Variants in ABCC4 observed in about 807,000 individuals in gnomAD.
The protein encoded by ABCC4 is ATP binding cassette subfamily C member 4 (PEL blood group).
In ABCC4, 102 loss-of-function variants were observed where a neutral mutation model predicts 168.5. The observed-to-expected ratio is 0.61, with a 90% CI of 0.52 to 0.71. The LOEUF is 0.71. Among genes scored for constraint, ABCC4 ranks in the 30% least tolerant of loss-of-function variants. The pLI, the probability that ABCC4 is intolerant of heterozygous loss-of-function variation, is 0.00. For synonymous variants in ABCC4, 617 were observed against 590.7 expected, an observed-to-expected ratio of 1.04 and a Z score of -0.65; for missense variants, 1,402 against 1,605.8, an observed-to-expected ratio of 0.87 and a Z score of 2.17.
intron 1 of ABCC4, among the ~76,000 whole-genome samples, chr13:95,250,638 C>G (rs1664874737): frequency 6.6e-6 from 1 of 151,968 alleles, no homozygotes; most frequent in African/African-American, 2.4e-5. Context: ...TCATTTCCAG[C>G]AAGCAGGAGT....
At chr13:95,167,282 T>C (rs1450181192) in intron 14 of ABCC4, among the ~76,000 whole-genome samples, 1 of 152,138 alleles carries the variant, frequency 6.6e-6, no homozygotes, top group Admixed American at 6.5e-5. Flanking sequence ...GACACAACCT[T>C]GCACAGTTTT....
intron 24 of ABCC4, among the ~76,000 whole-genome samples, chr13:95,072,235 T>G (rs947139022): frequency 1.3e-4 from 20 of 152,156 alleles, no homozygotes; most frequent in Non-Finnish European, 2.6e-4. Context: ...CCGGGGCAGG[T>G]GGATCACCTA....
rs1212855697 is a variant in ABCC4, at chr13:95,225,167, A to T, written c.531+9443T>A. Among the ~76,000 whole-genome samples the T allele has an allele frequency of 1.7e-3, 99 of 59,390 alleles. 1 individual carries two copies. Among genetic ancestry groups the T allele is most frequent in the East Asian group, 5.4e-3 (6 of 1,108 alleles). 39.0% of individuals were successfully genotyped at this position (59,390 alleles called of 152,430 possible). On this transcript the variant is annotated intron_variant, in intron 4 of 30. Coordinates refer to ENST00000645237, the MANE Select transcript of ABCC4 (RefSeq NM_005845.5). ...CTCTCTCTCTCTCACACACACACAC[A>T]CACACACACACACACACACACACAC...
At chr13:95,254,557 T>C (rs2040348315) in intron 1 of ABCC4, among the ~76,000 whole-genome samples, 1 of 152,192 alleles carries the variant, frequency 6.6e-6, no homozygotes, top group Non-Finnish European at 1.5e-5. Flanking sequence ...CTCTCAGTTA[T>C]CAGCCGTCAC....
chr13:95,197,737 CAG>C (rs1360000944), intron 8 of ABCC4, among the ~76,000 whole-genome samples: 1 of 152,132 alleles, frequency 6.6e-6, no homozygotes, highest in African/African-American at 2.4e-5. Context: ...AATAAAACCT[CAG>C]AGACACATTT....
rs116392285 is a variant in ABCC4, at chr13:95,084,367, T to C, written c.2536-1077A>G. On this transcript the variant is annotated intron_variant, in intron 20 of 30. Transcript: ENST00000645237. Reference sequence around the variant, plus strand: ...CCCCAGCATACGGCTAGCTTTTTATTGGTCAGGATAAAATCCCTGAATTTT... The same window carrying C: ...CCCCAGCATACGGCTAGCTTTTTATCGGTCAGGATAAAATCCCTGAATTTT... Among the ~76,000 whole-genome samples, 1,362 of 152,338 alleles carry C rather than the reference T, an allele frequency of 8.9e-3. 21 individuals carry two copies. Among genetic ancestry groups the C allele is most frequent in the African/African-American group, 0.031 (1,286 of 41,580 alleles).
chr13:95,258,963 G>T (rs555222959), intron 1 of ABCC4, among the ~76,000 whole-genome samples: 1 of 152,304 alleles, frequency 6.6e-6, no homozygotes, highest in South Asian at 2.1e-4. Flanking sequence ...GGCCCGGCCT[G>T]GGGGCTACAT....
rs1424450747 is a variant in ABCC4 at position 95,083,070 on chromosome 13, G to A, written c.2686+70C>T. 5.3e-6 allele frequency: 8 copies of A among 1,519,768 alleles called. No individual in the cohort carries two copies. The African/African-American group carries it at 6.9e-5, about 13-fold the overall frequency. The allele number at this position is 1,519,768 out of a possible 1,614,324, so 94.1% of individuals were successfully genotyped here. ...GACAGAGTCTGCCGAATTTCAGGGG[G>A]TCTCTGTAATTTATGGCATAAATGG... On this transcript the variant is annotated intron_variant, in intron 21 of 30. Coordinates refer to ENST00000645237, the MANE Select transcript of ABCC4 (RefSeq NM_005845.5).
chr13:95,238,611 A>T (rs942059070), intron 3 of ABCC4, among the ~76,000 whole-genome samples: 2 of 152,202 alleles, frequency 1.3e-5, no homozygotes, highest in Non-Finnish European at 2.9e-5. Context: ...GCTGGAGTGC[A>T]GTGGTGCAAT....
chr13:95,275,319 C>T (rs755606703), intron 1 of ABCC4, among the ~76,000 whole-genome samples: 8 of 152,120 alleles, frequency 5.3e-5, no homozygotes, highest in Non-Finnish European at 1.0e-4. Flanking sequence ...TTTATAATGC[C>T]ACCACCCTAC....
intron 22 of ABCC4, 86 bp downstream of exon 22, chr13:95,075,346 G>A: frequency 6.4e-7 from 1 of 1,570,980 alleles, no homozygotes; most frequent in South Asian, 1.2e-5. Context: ...TGAGGTGCCT[G>A]CCAACAAGCT....
intron 27 of ABCC4, among the ~76,000 whole-genome samples, chr13:95,050,791 T>A (rs796135800): frequency 6.6e-6 from 1 of 152,336 alleles, no homozygotes; most frequent in African/African-American, 2.4e-5. Context: ...TAAGTATGAG[T>A]TACAGTCAAG....
chr13:95,130,842 C>T (rs1594148385), intron 19 of ABCC4, among the ~76,000 whole-genome samples: 1 of 152,168 alleles, frequency 6.6e-6, no homozygotes, highest in East Asian at 1.9e-4. Context: ...TCTTTGGGTC[C>T]CTTATCTTTT....
chr13:95,225,736 G>T (rs947303922), intron 4 of ABCC4, among the ~76,000 whole-genome samples: 1 of 151,558 alleles, frequency 6.6e-6, no homozygotes, highest in Admixed American at 6.6e-5. Context: ...TTGAATTATG[G>T]CATTCTTTTT....
chr13:95,150,380 T>C (rs554899038), intron 19 of ABCC4, among the ~76,000 whole-genome samples: 1 of 152,236 alleles, frequency 6.6e-6, no homozygotes, highest in East Asian at 1.9e-4. Flanking sequence ...TGTGATATAA[T>C]CTATTAAAAT....
intron 30 of ABCC4, among the ~76,000 whole-genome samples, chr13:95,028,015 A>G (rs1222144780): frequency 1.3e-5 from 2 of 152,206 alleles, no homozygotes; most frequent in Non-Finnish European, 2.9e-5. Flanking sequence ...GACCCAGTCT[A>G]GTTTTGAACC....
At chr13:95,046,205 C>G (rs959053229) in intron 27 of ABCC4, among the ~76,000 whole-genome samples, 2 of 152,116 alleles carry the variant, frequency 1.3e-5, no homozygotes, top group Non-Finnish European at 2.9e-5. Context: ...TTAGCTTTTC[C>G]TTCTGAGTTG....
At chr13:95,059,898 T>G (rs866156096) in intron 26 of ABCC4, among the ~76,000 whole-genome samples, 12 of 152,270 alleles carry the variant, frequency 7.9e-5, no homozygotes, top group Admixed American at 2.6e-4. Flanking sequence ...AATCTGTAAG[T>G]TAGTAATTAC....
intron 1 of ABCC4, among the ~76,000 whole-genome samples, chr13:95,296,176 AC>A (rs1566609478): frequency 0.015 from 751 of 50,766 alleles, 8 homozygotes; most frequent in African/African-American, 0.035. Context: ...ACACACACAC[AC>A]ACACACAAAA....
Sources: gnomAD v4.1 joint callset for allele counts (sites outside exome capture counted in the v4.1 genomes callset) on GRCh38, gnomAD v4.1.1 for gene constraint, MANE v1.5 for transcripts, NCBI Gene and HGNC (gene_info 2026-07-23, HGNC 2026-07-21) for gene names.